The following SYT9 variants were observed in gnomAD, a reference collection of about 807,000 sequenced individuals.
SYT9 encodes synaptotagmin-9.
A neutral mutation model predicts 48.4 loss-of-function variants in SYT9; 22 were observed. The ratio of observed to expected loss-of-function variants is 0.45; its 90% CI spans 0.32 to 0.65. SYT9 has a LOEUF of 0.65. Ranked by LOEUF, SYT9 falls within the 30% of genes least tolerant of loss-of-function variation. The pLI, the probability that SYT9 is intolerant of heterozygous loss-of-function variation, is 0.03. For missense variants in SYT9, 577 were observed against 622.0 expected (o/e 0.93, Z 0.77); for synonymous variants, 265 against 245.0 (o/e 1.08, Z -0.76).
At chr11:7,466,673 A>G in intron 6 of SYT9, 119 bp from the exon 7 acceptor site, 6 of 997,188 alleles carry the variant, frequency 6.0e-6, no homozygotes, top group Non-Finnish European at 7.3e-6. Flanking sequence ...GTGAGCCAAG[A>G]TCGCGCCACT....
chr11:7,432,721 G>A (rs1037278876), intron 6 of SYT9, among the ~76,000 whole-genome samples: 1 of 149,798 alleles, frequency 6.7e-6, no homozygotes, highest in East Asian at 2.0e-4. Flanking sequence ...TTTGGAGTGG[G>A]AATGTTTATC....
chr11:7,308,826 A>G lies in SYT9; in HGVS notation c.498-4569A>G, dbSNP rs536193583. 1.6e-3 allele frequency among the ~76,000 whole-genome samples: 239 copies of G among 152,290 alleles called. 1 individual carries two copies. Among genetic ancestry groups the G allele is most frequent in the African/African-American group, 5.5e-3 (227 of 41,574 alleles). ...GCAAATTCGAATTTGTTGAATTGCC[A>G]TTACGTCCTGTCTCTTAAGATCTGA... is the stretch of plus-strand genomic sequence containing the variant. On this transcript the variant is annotated intron_variant, in intron 2 of 6. Transcript: ENST00000318881.
intron 1 of SYT9, among the ~76,000 whole-genome samples, chr11:7,289,601 C>T (rs79562102): frequency 0.018 from 2,684 of 152,330 alleles, 67 homozygotes; most frequent in African/African-American, 0.062. Context: ...AGCTATAGCT[C>T]GGTCCACTGC....
chr11:7,353,611 T>G (rs1849960776), intron 3 of SYT9, among the ~76,000 whole-genome samples: 1 of 152,230 alleles, frequency 6.6e-6, no homozygotes, highest in Admixed American at 6.5e-5. Context: ...CCTTGAGTGC[T>G]CTGCTCCTCA....
intron 6 of SYT9, among the ~76,000 whole-genome samples, chr11:7,464,926 CAA>C (rs750584301): frequency 7.0e-6 from 1 of 143,874 alleles, no homozygotes. Context: ...ACTAAAAATA[CAA>C]AAAAAAAAAA....
At chr11:7,410,700 A>C (rs1005494085) in intron 3 of SYT9, among the ~76,000 whole-genome samples, 3 of 151,640 alleles carry the variant, frequency 2.0e-5, no homozygotes, top group Non-Finnish European at 2.9e-5. Context: ...GTTTGAGTGG[A>C]ATTTTTTTGC....
intron 3 of SYT9, among the ~76,000 whole-genome samples, chr11:7,369,323 TTTG>T (rs572532924): frequency 4.7e-3 from 463 of 99,316 alleles, no homozygotes; most frequent in Middle Eastern, 9.8e-3. Flanking sequence ...GATGGTGTTG[TTTG>T]TTTTTTTTTT....
chr11:7,292,462 G>A (rs1038775735), intron 1 of SYT9, among the ~76,000 whole-genome samples: 2 of 152,220 alleles, frequency 1.3e-5, no homozygotes, highest in East Asian at 1.9e-4. Flanking sequence ...TGGCCCAGGA[G>A]AGGGTGCAGG....
At chr11:7,268,864 A>G (rs551085393) in intron 1 of SYT9, among the ~76,000 whole-genome samples, 1 of 152,220 alleles carries the variant, frequency 6.6e-6, no homozygotes, top group East Asian at 1.9e-4. Context: ...CATTCCAGGA[A>G]GTTTCCTCAT....
At chr11:7,365,484 A>G (rs1334803246) in intron 3 of SYT9, among the ~76,000 whole-genome samples, 1 of 152,286 alleles carries the variant, frequency 6.6e-6, no homozygotes, top group Non-Finnish European at 1.5e-5. Context: ...GGTATTTTAT[A>G]TGGACTTCTG....
intron 6 of SYT9, among the ~76,000 whole-genome samples, chr11:7,441,924 C>A (rs2134134837): frequency 6.6e-6 from 1 of 152,224 alleles, no homozygotes; most frequent in South Asian, 2.1e-4. Flanking sequence ...CAATACCCAG[C>A]CAACCTTCCA....
At chr11:7,401,504 C>T (rs1021145191) in intron 3 of SYT9, among the ~76,000 whole-genome samples, 1 of 151,488 alleles carries the variant, frequency 6.6e-6, no homozygotes, top group Non-Finnish European at 1.5e-5. Context: ...ATATTTTTTC[C>T]TTAACGATCT....
At chr11:7,422,798 C>A (rs1304186629) in intron 6 of SYT9, among the ~76,000 whole-genome samples, 1 of 151,978 alleles carries the variant, frequency 6.6e-6, no homozygotes, top group African/African-American at 2.4e-5. Flanking sequence ...CACACGGGTC[C>A]CTGAGTGGCA....
chr11:7,273,427 A>C (rs1389958734), intron 1 of SYT9, among the ~76,000 whole-genome samples: 1 of 152,136 alleles, frequency 6.6e-6, no homozygotes, highest in East Asian at 1.9e-4. Flanking sequence ...ATTATGGCCC[A>C]ACTATATGTA....
At position 7,252,439 on chromosome 11, in the gene SYT9, G is replaced by T. The variant is rs1349895466; in HGVS notation, c.145+108G>T. ...GCGACGCGGACTGGGAGAGGGCGGG[G>T]GGCGGCCACCGAGCCAGGAGAGTGA... On this transcript the variant is annotated intron_variant, in intron 1 of 6. Coordinates refer to ENST00000318881, the MANE Select transcript of SYT9 (RefSeq NM_175733.4). The surrounding 1 kb of genome is among the most constrained non-coding windows in gnomAD (Gnocchi z 6.3). The T allele has an allele frequency of 2.4e-6, 3 of 1,235,284 alleles. No individual in the cohort carries two copies. The highest frequency in any genetic ancestry group is 1.6e-5 in the African/African-American group (1 of 63,110). The allele number at this position is 1,235,284 out of a possible 1,614,324, so 76.5% of individuals were successfully genotyped here. A position where few individuals can be genotyped will look rare whatever the true frequency, so the allele number is the denominator to read the frequency against.
intron 3 of SYT9, among the ~76,000 whole-genome samples, chr11:7,364,094 G>A (rs1850197557): frequency 6.6e-6 from 1 of 152,114 alleles, no homozygotes; most frequent in Admixed American, 6.5e-5. Flanking sequence ...TGAAGAATGA[G>A]GACAGCAAAG....
At chr11:7,286,403 AG>A (rs1214464620) in intron 1 of SYT9, among the ~76,000 whole-genome samples, 1 of 152,296 alleles carries the variant, frequency 6.6e-6, no homozygotes, top group Non-Finnish European at 1.5e-5. Flanking sequence ...TGCACACAGC[AG>A]GGGGGGCCCA....
chr11:7,364,311 G>A (rs984419464), intron 3 of SYT9, among the ~76,000 whole-genome samples: 1 of 152,200 alleles, frequency 6.6e-6, no homozygotes, highest in Non-Finnish European at 1.5e-5. Context: ...TCTACATGAA[G>A]TCAGAAGCAA....
chr11:7,393,610 G>A (rs1286244606), intron 3 of SYT9, among the ~76,000 whole-genome samples: 1 of 152,024 alleles, frequency 6.6e-6, no homozygotes, highest in African/African-American at 2.4e-5. Context: ...GGATGATACT[G>A]GTTTTCTAGA....
Sources: allele counts gnomAD v4.1 joint callset (sites outside exome capture counted in the v4.1 genomes callset), GRCh38; gene constraint gnomAD v4.1.1; non-coding constraint Gnocchi (gnomAD v3.1); transcripts MANE v1.5; gene names NCBI Gene and HGNC (gene_info 2026-07-23, HGNC 2026-07-21).